The following SCYL2 variants were observed in gnomAD, a reference collection of about 807,000 sequenced individuals.
SCYL2 encodes the protein SCY1-like protein 2.
SCYL2 carries 36 observed loss-of-function variants against 100.4 expected under a neutral mutation model. The ratio of observed to expected loss-of-function variants is 0.36; its 90% CI spans 0.27 to 0.47. The LOEUF (loss-of-function observed/expected upper bound fraction) is 0.47. Ranked by LOEUF, SCYL2 falls within the 20% of genes least tolerant of loss-of-function variation. The pLI is 1.00. For synonymous variants in SCYL2, 330 were observed against 359.2 expected, an observed-to-expected ratio of 0.92 and a Z score of 0.92; for missense variants, 902 against 1,083.9, an observed-to-expected ratio of 0.83 and a Z score of 2.36.
chr12:100,277,748 A>G (rs1348410793), intron 1 of SCYL2, among the ~76,000 whole-genome samples: 2 of 151,940 alleles, frequency 1.3e-5, no homozygotes, highest in Admixed American at 1.3e-4. Flanking sequence ...CTTGCTATTT[A>G]TTTTGTATTT....
At chr12:100,284,012 G>C (rs1030079386) in intron 2 of SCYL2, among the ~76,000 whole-genome samples, 1 of 152,092 alleles carries the variant, frequency 6.6e-6, no homozygotes, top group Non-Finnish European at 1.5e-5. Context: ...ATGGTTTCTT[G>C]AGTATTGACT....
chr12:100,297,789 A>G (rs112099466), intron 3 of SCYL2, among the ~76,000 whole-genome samples: 3 of 152,158 alleles, frequency 2.0e-5, no homozygotes, highest in African/African-American at 4.8e-5. Context: ...TTAAGTTTTA[A>G]AAAAGATCGC....
intron 14 of SCYL2, among the ~76,000 whole-genome samples, chr12:100,335,156 A>G (rs1303052029): frequency 6.6e-6 from 1 of 152,112 alleles, no homozygotes; most frequent in Non-Finnish European, 1.5e-5. Context: ...ATTTTTAATA[A>G]CAAGTATTTA....
At chr12:100,322,148 A>G (rs2096356592) in intron 10 of SCYL2, among the ~76,000 whole-genome samples, 1 of 151,130 alleles carries the variant, frequency 6.6e-6, no homozygotes, top group East Asian at 1.9e-4. Flanking sequence ...CGAGGCGGGC[A>G]GATCACGAGG....
Position 100,339,437 on chromosome 12 carries a change from G to T in SCYL2, c.*265G>T. 2 of 408,348 alleles carry T rather than the reference G, an allele frequency of 4.9e-6. No homozygotes were observed. The highest frequency in any genetic ancestry group is 4.4e-6 in the Non-Finnish European group (1 of 228,532). 25.3% of individuals were successfully genotyped at this position (408,348 alleles called of 1,614,324 possible). A position where few individuals can be genotyped will look rare whatever the true frequency, so the allele number is the denominator to read the frequency against. ...CCCTTCCCAATCTCAAAGAGAAAAA[G>T]GAAACTGAGTTATCTTGAATAACAT... is the stretch of plus-strand genomic sequence containing the variant. On this transcript the variant is annotated 3_prime_UTR_variant, in exon 18 of 18. Coordinates refer to ENST00000360820, the MANE Select transcript of SCYL2 (RefSeq NM_017988.6).
At chr12:100,335,752 A>G in intron 15 of SCYL2, 59 bp from the exon 16 acceptor site, 2 of 1,593,938 alleles carry the variant, frequency 1.3e-6, no homozygotes, top group Non-Finnish European at 1.7e-6. Context: ...TTAATCTTTA[A>G]GCAGCAAAAT....
chr12:100,295,721 G>A (rs1448026150), intron 3 of SCYL2, among the ~76,000 whole-genome samples: 2 of 151,856 alleles, frequency 1.3e-5, no homozygotes, highest in African/African-American at 4.8e-5. Context: ...GTGGGGAGAC[G>A]GGAGAGGGAG....
At position 100,340,347 on chromosome 12, in the gene SCYL2, C is replaced by T. The variant is rs1952337484; in HGVS notation, c.*1175C>T. The T allele has an allele frequency of 6.6e-6, 1 of 152,100 alleles. No individual in the cohort carries two copies. The highest frequency in any genetic ancestry group is 1.5e-5 in the Non-Finnish European group (1 of 67,946). 9.4% of individuals were successfully genotyped at this position (152,100 alleles called of 1,614,324 possible). On this transcript the variant is annotated 3_prime_UTR_variant, in exon 18 of 18. Transcript: ENST00000360820. Reference sequence around the variant, plus strand: ...ATGCTTTATTTTTCAAAACCTTTCTCTGATATTTTTCTTTAATTTGCTGAT... The same window carrying T: ...ATGCTTTATTTTTCAAAACCTTTCTTTGATATTTTTCTTTAATTTGCTGAT...
chr12:100,310,982 G>T, intron 4 of SCYL2, 62 bp from the exon 5 acceptor site: 1 of 1,363,634 alleles, frequency 7.3e-7, no homozygotes, highest in Non-Finnish European at 9.7e-7. Context: ...ATTTTTGTGA[G>T]ACATTTTATT....
At chr12:100,285,726 T>G (rs754884468) in intron 2 of SCYL2, among the ~76,000 whole-genome samples, 4 of 152,228 alleles carry the variant, frequency 2.6e-5, no homozygotes, top group African/African-American at 9.6e-5. Flanking sequence ...GCTTTCTAAC[T>G]GACTTAGTCT....
chr12:100,276,282 G>A (rs2096292392), intron 1 of SCYL2, among the ~76,000 whole-genome samples: 1 of 151,866 alleles, frequency 6.6e-6, no homozygotes, highest in African/African-American at 2.4e-5. Flanking sequence ...AGAATCTGTA[G>A]AATTTCTGTT....
chr12:100,310,243 G>A (rs2096340540), intron 4 of SCYL2, among the ~76,000 whole-genome samples: 1 of 152,148 alleles, frequency 6.6e-6, no homozygotes, highest in African/African-American at 2.4e-5. Context: ...TGATCCGCCT[G>A]CCTCGGCCTC....
chr12:100,289,155 T>A (rs1424222869), intron 2 of SCYL2, among the ~76,000 whole-genome samples: 1 of 152,208 alleles, frequency 6.6e-6, no homozygotes, highest in Non-Finnish European at 1.5e-5. Flanking sequence ...AACTCTTACC[T>A]CCTGGCTGTC....
At chr12:100,327,194 G>T (rs1456988252) in intron 12 of SCYL2, 4 of 408,102 alleles carry the variant, frequency 9.8e-6, no homozygotes, top group Non-Finnish European at 2.0e-5. Context: ...GGAAACTGAG[G>T]CTCAGAGAGG....
chr12:100,340,648 TTTAA>T lies in SCYL2; in HGVS notation c.*1480_*1483del, dbSNP rs778104257. The stretch of plus-strand genomic sequence containing the variant: ...CACAGCACTTGATTACAAAATGTAA[TTTAA>T]TTATATTATTGCTGGCAGCATTCAG... On this transcript the variant is annotated 3_prime_UTR_variant, in exon 18 of 18. Transcript: ENST00000360820. 1 of 152,058 alleles carries T rather than the reference TTTAA, an allele frequency of 6.6e-6. No homozygotes were observed. The highest frequency in any genetic ancestry group is 1.5e-5 in the Non-Finnish European group (1 of 67,922). The allele number at this position is 152,058 out of a possible 1,614,324, so 9.4% of individuals were successfully genotyped here. A position where few individuals can be genotyped will look rare whatever the true frequency, so the allele number is the denominator to read the frequency against.
chr12:100,298,534 A>G (rs2096323687), intron 4 of SCYL2, among the ~76,000 whole-genome samples: 1 of 152,214 alleles, frequency 6.6e-6, no homozygotes, highest in African/African-American at 2.4e-5. Flanking sequence ...TAGTGATATC[A>G]AGAGGTATTG....
At chr12:100,338,423 A>G (rs1952307875) in intron 17 of SCYL2, 105 bp from the exon 18 acceptor site, 2 of 1,010,514 alleles carry the variant, frequency 2.0e-6, no homozygotes, top group African/African-American at 1.6e-5. Context: ...TAGACCATTG[A>G]GCTTAATTCT....
At chr12:100,288,412 T>G (rs1467983627) in intron 2 of SCYL2, among the ~76,000 whole-genome samples, 1 of 152,146 alleles carries the variant, frequency 6.6e-6, no homozygotes, top group Non-Finnish European at 1.5e-5. Flanking sequence ...TTTTACAAAG[T>G]GTTGGAATTA....
chr12:100,284,765 G>A (rs2096302649), intron 2 of SCYL2, among the ~76,000 whole-genome samples: 1 of 152,082 alleles, frequency 6.6e-6, no homozygotes, highest in Non-Finnish European at 1.5e-5. Context: ...GCCCGGCCTA[G>A]TTTCTTTTTT....
Sources: allele counts gnomAD v4.1 joint callset (sites outside exome capture counted in the v4.1 genomes callset), GRCh38; gene constraint gnomAD v4.1.1; transcripts MANE v1.5; gene names NCBI Gene and HGNC (gene_info 2026-07-23, HGNC 2026-07-21).